DOCK2: variants seen among roughly 807,000 people sequenced by gnomAD.
DOCK2 encodes the protein dedicator of cytokinesis protein 2.
In DOCK2, 87 loss-of-function variants were observed where a neutral mutation model predicts 248.9. The ratio of observed to expected loss-of-function variants is 0.35; its 90% CI spans 0.29 to 0.42. The LOEUF (loss-of-function observed/expected upper bound fraction) is 0.42. DOCK2 is among the 10% of genes least tolerant of loss of function. DOCK2 has a pLI of 1.00. For missense variants in DOCK2, 1,747 were observed against 2,300.2 expected, an observed-to-expected ratio of 0.76 and a Z score of 4.92; for synonymous variants, 805 against 821.6, an observed-to-expected ratio of 0.98 and a Z score of 0.35.
intron 26 of DOCK2, among the ~76,000 whole-genome samples, chr5:169,824,061 C>G (rs1034012434): frequency 6.6e-6 from 1 of 152,104 alleles, no homozygotes; most frequent in Non-Finnish European, 1.5e-5. Flanking sequence ...ATCCAACTTA[C>G]AAGGGATGTG....
intron 44 of DOCK2, among the ~76,000 whole-genome samples, chr5:170,062,694 T>G (rs1189423222): frequency 2.0e-5 from 3 of 152,184 alleles, no homozygotes; most frequent in Admixed American, 2.0e-4. Flanking sequence ...GTTAGACATA[T>G]GCAAGTCTCT....
At chr5:169,660,253 G>A (rs1758366733) in intron 2 of DOCK2, among the ~76,000 whole-genome samples, 1 of 152,108 alleles carries the variant, frequency 6.6e-6, no homozygotes, top group African/African-American at 2.4e-5. Flanking sequence ...AGAATTGCTT[G>A]AGCCCAGGAG....
intron 30 of DOCK2, among the ~76,000 whole-genome samples, chr5:169,996,707 G>T (rs1011951739): frequency 5.9e-5 from 9 of 152,180 alleles, no homozygotes; most frequent in African/African-American, 2.2e-4. Context: ...AACTCTGTGG[G>T]AAAGTCCAGA....
chr5:169,846,651 TACAC>T (rs1281466689), intron 27 of DOCK2, among the ~76,000 whole-genome samples: 1 of 151,408 alleles, frequency 6.6e-6, no homozygotes, highest in Non-Finnish European at 1.5e-5. Context: ...TGTACATATA[TACAC>T]ACACATATAT....
At chr5:169,820,073 A>AG (rs1179321801) in intron 26 of DOCK2, among the ~76,000 whole-genome samples, 1 of 151,900 alleles carries the variant, frequency 6.6e-6, no homozygotes, top group Admixed American at 6.6e-5. Context: ...AGACTGGTGG[A>AG]GGGGCGCCCG....
At chr5:169,960,208 A>G (rs924196040) in intron 27 of DOCK2, among the ~76,000 whole-genome samples, 1 of 152,234 alleles carries the variant, frequency 6.6e-6, no homozygotes, top group African/African-American at 2.4e-5. Flanking sequence ...AGAGGAGGAA[A>G]TAATGTAGTT....
chr5:169,874,726 G>A (rs1326187913), intron 27 of DOCK2, among the ~76,000 whole-genome samples: 3 of 152,170 alleles, frequency 2.0e-5, no homozygotes, highest in Non-Finnish European at 4.4e-5. Flanking sequence ...GAGGAAAAAT[G>A]TCAGCCTGGA....
At chr5:169,988,383 T>C (rs1371177290) in intron 29 of DOCK2, among the ~76,000 whole-genome samples, 1 of 152,198 alleles carries the variant, frequency 6.6e-6, no homozygotes, top group East Asian at 1.9e-4. Flanking sequence ...CCACGCATTA[T>C]ATAAGAGGAA....
intron 26 of DOCK2, among the ~76,000 whole-genome samples, chr5:169,831,904 T>A (rs2113293376): frequency 6.6e-6 from 1 of 152,304 alleles, no homozygotes; most frequent in African/African-American, 2.4e-5. Flanking sequence ...AATGGCAACT[T>A]CATTAGTCTC....
intron 19 of DOCK2, among the ~76,000 whole-genome samples, chr5:169,715,354 A>G (rs1216105725): frequency 1.3e-5 from 2 of 152,160 alleles, no homozygotes; most frequent in African/African-American, 2.4e-5. Flanking sequence ...GATTATAGGA[A>G]ATATTGACCC....
chr5:169,937,913 T>C (rs1194153796), intron 27 of DOCK2, among the ~76,000 whole-genome samples: 1 of 152,206 alleles, frequency 6.6e-6, no homozygotes, highest in Non-Finnish European at 1.5e-5. Context: ...GCCTCCCTTC[T>C]TTGTCTTTCA....
At chr5:170,047,753 G>A (rs1281682172) in intron 40 of DOCK2, 139 bp downstream of exon 40, 11 of 668,910 alleles carry the variant, frequency 1.6e-5, no homozygotes, top group Non-Finnish European at 2.7e-5. Context: ...ATCCCCAGGA[G>A]ACTCCCCAGT....
At chr5:169,758,139 A>G (rs77589925) in intron 23 of DOCK2, among the ~76,000 whole-genome samples, 2,463 of 152,342 alleles carry the variant, frequency 0.016, 73 homozygotes, top group African/African-American at 0.057. Flanking sequence ...TGAAGAAGGT[A>G]TAATGTACCC....
intron 27 of DOCK2, among the ~76,000 whole-genome samples, chr5:169,874,447 G>C (rs1157917308): frequency 6.7e-6 from 1 of 149,034 alleles, no homozygotes. Context: ...TTGGTGGTCT[G>C]TGGAGTTTGA....
chr5:170,001,531 C>A (rs540329377), intron 30 of DOCK2, among the ~76,000 whole-genome samples: 1 of 152,052 alleles, frequency 6.6e-6, no homozygotes, highest in Admixed American at 6.6e-5. Flanking sequence ...TCTGTGATGT[C>A]GGACAAGATA....
intron 27 of DOCK2, among the ~76,000 whole-genome samples, chr5:169,892,274 ACT>A (rs1773342627): frequency 6.6e-6 from 1 of 152,176 alleles, no homozygotes; most frequent in Admixed American, 6.5e-5. Flanking sequence ...GGAAACTGAG[ACT>A]CTGAGCAGCT....
chr5:169,684,420 A>T, intron 8 of DOCK2, 70 bp downstream of exon 8: 1 of 1,554,444 alleles, frequency 6.4e-7, no homozygotes, highest in Non-Finnish European at 8.7e-7. Flanking sequence ...TTTTCTTTCC[A>T]TCCTCACTTG....
intron 25 of DOCK2, among the ~76,000 whole-genome samples, chr5:169,780,913 C>T (rs1765679285): frequency 6.6e-6 from 1 of 152,042 alleles, no homozygotes; most frequent in Non-Finnish European, 1.5e-5. Context: ...TAAATAAAGA[C>T]CAAAACACTT....
intron 1 of DOCK2, among the ~76,000 whole-genome samples, chr5:169,639,563 A>G (rs1379379539): frequency 1.3e-5 from 2 of 152,244 alleles, no homozygotes; most frequent in African/African-American, 2.4e-5. Flanking sequence ...CTCCTGAGCC[A>G]CATAGGCTGC....
Sources: allele counts gnomAD v4.1 joint callset (sites outside exome capture counted in the v4.1 genomes callset), GRCh38; gene constraint gnomAD v4.1.1; transcripts MANE v1.5; gene names NCBI Gene and HGNC (gene_info 2026-07-23, HGNC 2026-07-21).